Variants in GIT2 observed in about 807,000 individuals in gnomAD.
GIT2 encodes ARF GTPase-activating protein GIT2.
GIT2 carries 32 observed loss-of-function variants against 100.3 expected under a neutral mutation model. The ratio of observed to expected loss-of-function variants is 0.32; its 90% CI spans 0.24 to 0.43. The LOEUF is 0.43. Among genes scored for constraint, GIT2 ranks in the 20% least tolerant of loss-of-function variants. The pLI is 1.00. For missense variants in GIT2, 737 were observed against 975.1 expected, an observed-to-expected ratio of 0.76 and a Z score of 3.25; for synonymous variants, 353 against 364.1, an observed-to-expected ratio of 0.97 and a Z score of 0.35.
In GIT2 at chr12:109,948,646, T is replaced by C; in HGVS notation, c.1393-1142A>G. The C allele has an allele frequency of 7.0e-7, 1 of 1,430,032 alleles. No individual in the cohort carries two copies. Among genetic ancestry groups the C allele is most frequent in the South Asian group, 1.6e-5 (1 of 64,164 alleles). 88.6% of individuals were successfully genotyped at this position (1,430,032 alleles called of 1,614,324 possible). A position where few individuals can be genotyped will look rare whatever the true frequency, so the allele number is the denominator to read the frequency against. ...GCTGTCTACTCTTTGACAGAGATTG[T>C]AAAATCTGACCAAATTCCCCACCAG... is the stretch of plus-strand genomic sequence containing the variant. On this transcript the variant is annotated intron_variant, in intron 14 of 19. Coordinates refer to ENST00000355312, the MANE Select transcript of GIT2 (RefSeq NM_057169.5). This position sits in a 1 kb window ranked among gnomAD's most constrained non-coding sequence, Gnocchi z 4.3.
chr12:109,958,116 T>C (rs2136351623), intron 12 of GIT2, among the ~76,000 whole-genome samples: 1 of 151,202 alleles, frequency 6.6e-6, no homozygotes, highest in African/African-American at 2.4e-5. Flanking sequence ...GGCTAATTTT[T>C]TGTAGTTTTA....
intron 16 of GIT2, 93 bp downstream of exon 16, chr12:109,945,167 G>A (rs1875963992): frequency 7.1e-6 from 5 of 703,962 alleles, no homozygotes; most frequent in Non-Finnish European, 5.3e-6. Flanking sequence ...CGGAAGGGCA[G>A]TTAGCAGGGA....
intron 14 of GIT2, chr12:109,949,023 C>T: frequency 1.7e-6 from 1 of 579,664 alleles, no homozygotes. Flanking sequence ...GCCTCTTCCA[C>T]AAAAAGACCA....
chr12:109,951,078 T>C (rs1429983617), intron 14 of GIT2, 89 bp downstream of exon 14: 3 of 1,145,812 alleles, frequency 2.6e-6, no homozygotes, highest in Non-Finnish European at 3.8e-6. Context: ...ACTGTTTTTC[T>C]TTCCTCGGAC....
intron 16 of GIT2, chr12:109,940,215 G>A (rs1023163113): frequency 6.6e-6 from 1 of 152,174 alleles, no homozygotes; most frequent in African/African-American, 2.4e-5. Context: ...CTAAACACAC[G>A]ATCTTCTAGG....
Position 109,947,145 on chromosome 12 carries a change from CTT to C in GIT2, c.1641+109_1641+110del. On this transcript the variant is annotated intron_variant, in intron 15 of 19. Coordinates refer to ENST00000355312, the MANE Select transcript of GIT2 (RefSeq NM_057169.5). The surrounding 1 kb of genome is among the most constrained non-coding windows in gnomAD (Gnocchi z 4.3). ...ATACAGCAAACACAATGGTAACTCTCTTAGTCCAATTTGGCAAAGCAGAGCTG... is the reference window on the plus strand; with the variant it reads ...ATACAGCAAACACAATGGTAACTCTCAGTCCAATTTGGCAAAGCAGAGCTG... 1.0e-6 allele frequency: 1 copy of C among 978,528 alleles called. No homozygotes were observed. The highest frequency in any genetic ancestry group is 1.6e-6 in the Non-Finnish European group (1 of 642,718). 60.6% of individuals were successfully genotyped at this position (978,528 alleles called of 1,614,324 possible). A position where few individuals can be genotyped will look rare whatever the true frequency, so the allele number is the denominator to read the frequency against.
rs753543175 is a variant in GIT2, at chr12:109,947,462, C to T, written c.1435G>A (p.Ala479Thr). The change falls in exon 15 of 20, where the codon GCC becomes ACC. Residue 479 changes from alanine to threonine, a missense_variant. Coordinates refer to ENST00000355312, the MANE Select transcript of GIT2 (RefSeq NM_057169.5). This position sits in a 1 kb window ranked among gnomAD's most constrained non-coding sequence, Gnocchi z 4.3. ...QSENSNLRKQ[A>T]TTNVYQVQTG... Reference sequence around the variant, plus strand: ...TGCACCTGATATACATTGGTTGTGGCCTGTTTCCTGAGGTTCGAATTTTCA... The same window carrying T: ...TGCACCTGATATACATTGGTTGTGGTCTGTTTCCTGAGGTTCGAATTTTCA... 8.2e-5 allele frequency: 132 copies of T among 1,613,402 alleles called. No homozygotes were observed. The highest frequency in any genetic ancestry group is 1.1e-4 in the Non-Finnish European group (131 of 1,179,496).
In GIT2 at chr12:109,961,334, T is replaced by C; in HGVS notation, c.931A>G (p.Thr311Ala). Residue 311 changes from threonine (T) to alanine (A), a missense_variant, in exon 11 of 20, where the codon ACA becomes GCA. Around this residue, in one of 3 missense-constraint regions of GIT2, gnomAD observed 20 missense variants for 55.2 expected, o/e 0.36. Transcript: ENST00000355312. ...ACCGGAAGAAAGGGGACGACCGTTG[T>C]CTCGGTTACCAGGGCGCTGTGGTTT... ...TQNHSALVTE[T>A]TVVPFLPVNP... The C allele has an allele frequency of 5.0e-6, 8 of 1,613,782 alleles. No individual in the cohort carries two copies. Among genetic ancestry groups the C allele is most frequent in the Non-Finnish European group, 6.8e-6 (8 of 1,179,646 alleles).
Position 109,947,184 on chromosome 12 carries a change from AG to A in GIT2, c.1641+71del. Reference sequence around the variant, plus strand: ...GCAAAGCAGAGCTGTGGGGACCTGTAGGTTCAGAAGAGGGAACAGAGTAGAC... The same window carrying A: ...GCAAAGCAGAGCTGTGGGGACCTGTAGTTCAGAAGAGGGAACAGAGTAGAC... On this transcript the variant is annotated intron_variant, in intron 15 of 19. Transcript: ENST00000355312. The surrounding 1 kb of genome is among the most constrained non-coding windows in gnomAD (Gnocchi z 4.3). The A allele has an allele frequency of 6.9e-7, 1 of 1,450,546 alleles. No individual in the cohort carries two copies. The allele number at this position is 1,450,546 out of a possible 1,614,324, so 89.9% of individuals were successfully genotyped here.
upstream of GIT2, chr12:109,996,489 C>T (rs937025445): frequency 1.6e-5 from 7 of 443,216 alleles, no homozygotes; most frequent in East Asian, 1.1e-4. Context: ...ATCTGTCCTA[C>T]CTTTAAATAT....
rs1019570310 is a variant in GIT2, at chr12:109,934,254, T to C, written c.2004-169A>G. ...AGGGCACATGGTTATAAAGCAGGAC[T>C]CTCATTGCTTCCTAAAAGTTCAATC... On this transcript the variant is annotated intron_variant, in intron 18 of 19. Transcript: ENST00000355312. The surrounding 1 kb of genome is among the most constrained non-coding windows in gnomAD (Gnocchi z 4.5). The C allele has an allele frequency of 1.7e-6, 1 of 595,430 alleles. No individual in the cohort carries two copies. Among genetic ancestry groups the C allele is most frequent in the Non-Finnish European group, 3.0e-6 (1 of 330,238 alleles). 36.9% of individuals were successfully genotyped at this position (595,430 alleles called of 1,614,324 possible). A position where few individuals can be genotyped will look rare whatever the true frequency, so the allele number is the denominator to read the frequency against.
At chr12:109,956,756 C>T (rs189670773) in intron 12 of GIT2, among the ~76,000 whole-genome samples, 1 of 152,244 alleles carries the variant, frequency 6.6e-6, no homozygotes, top group Admixed American at 6.5e-5. Context: ...GTGGCTCATG[C>T]CTGTAATCCC....
rs768536427 is a variant in GIT2 at position 109,965,599 on chromosome 12, A to G, written c.765-22T>C. On this transcript the variant is annotated intron_variant, in intron 8 of 19. Coordinates refer to ENST00000355312, the MANE Select transcript of GIT2 (RefSeq NM_057169.5). ...GCTGCTAAGAAAACATACAAAGCTAATAAGCAAATAAATAAAGCCAGACTT... is the reference window on the plus strand; with the variant it reads ...GCTGCTAAGAAAACATACAAAGCTAGTAAGCAAATAAATAAAGCCAGACTT... 9.3e-6 allele frequency: 14 copies of G among 1,503,302 alleles called. No individual in the cohort carries two copies. In the African/African-American group the frequency reaches 1.9e-4, roughly 21 times the overall value. 93.1% of individuals were successfully genotyped at this position (1,503,302 alleles called of 1,614,324 possible).
chr12:109,955,577 T>C (rs1382998926), intron 12 of GIT2, among the ~76,000 whole-genome samples: 1 of 152,238 alleles, frequency 6.6e-6, no homozygotes, highest in Non-Finnish European at 1.5e-5. Context: ...TTCATTAACA[T>C]TGAACTCATG....
intron 7 of GIT2, among the ~76,000 whole-genome samples, chr12:109,977,153 T>C (rs1206924108): frequency 2.6e-5 from 4 of 152,158 alleles, no homozygotes; most frequent in African/African-American, 4.8e-5. Flanking sequence ...GGATATAGAG[T>C]TCTGGGTTCA....
chr12:109,933,264 T>A lies in GIT2; in HGVS notation c.2068-74A>T. 1.1e-6 allele frequency: 1 copy of A among 895,620 alleles called. No individual in the cohort carries two copies. The highest frequency in any genetic ancestry group is 1.6e-5 in the African/African-American group (1 of 60,800). The allele number at this position is 895,620 out of a possible 1,614,324, so 55.5% of individuals were successfully genotyped here. Reference sequence around the variant, plus strand: ...CAAAAGCAGGGGACAAACATTCTTCTAAAGCAAACCAAGCTGCTCCCCAGA... The same window carrying A: ...CAAAAGCAGGGGACAAACATTCTTCAAAAGCAAACCAAGCTGCTCCCCAGA... On this transcript the variant is annotated intron_variant, in intron 19 of 19. Coordinates refer to ENST00000355312, the MANE Select transcript of GIT2 (RefSeq NM_057169.5). The surrounding 1 kb of genome is among the most constrained non-coding windows in gnomAD (Gnocchi z 4.5).
At chr12:109,970,993 C>G (rs1883729012) in intron 7 of GIT2, among the ~76,000 whole-genome samples, 1 of 152,148 alleles carries the variant, frequency 6.6e-6, no homozygotes, top group Non-Finnish European at 1.5e-5. Flanking sequence ...ACCATGCTGC[C>G]CAGGATAGTC....
rs149158681 is a variant in GIT2 at position 109,947,374 on chromosome 12, C to G, written c.1523G>C (p.Arg508Pro). The change falls in exon 15 of 20, where the codon CGG becomes CCG. Residue 508 changes from arginine (R) to proline (P), a missense_variant. This residue lies in a region of GIT2 where 451 missense variants were observed against 543.7 expected (regional missense o/e 0.83). Transcript: ENST00000355312. This position sits in a 1 kb window ranked among gnomAD's most constrained non-coding sequence, Gnocchi z 4.3. ...HSSLKRRPSARGSRPMSMYET... is the reference protein window; with the variant it reads ...HSSLKRRPSAPGSRPMSMYET... ...GTACATGGACATGGGCCTACTGCCC[C>G]GGGCAGACGGACGTCTCTTTAAGGA... 3 of 1,614,142 alleles carry G rather than the reference C, an allele frequency of 1.9e-6. No homozygotes were observed. Among genetic ancestry groups the G allele is most frequent in the Non-Finnish European group, 1.7e-6 (2 of 1,180,008 alleles).
At position 109,989,709 on chromosome 12, in the gene GIT2, T is replaced by A. The variant is rs745873970; in HGVS notation, c.280A>T (p.Asn94Tyr). 6.5e-7 allele frequency: 1 copy of A among 1,527,074 alleles called. No homozygotes were observed. Among genetic ancestry groups the A allele is most frequent in the South Asian group, 1.1e-5 (1 of 89,306 alleles). 94.6% of individuals were successfully genotyped at this position (1,527,074 alleles called of 1,614,324 possible). A position where few individuals can be genotyped will look rare whatever the true frequency, so the allele number is the denominator to read the frequency against. Residue 94 changes from asparagine (N) to tyrosine (Y), a missense_variant, in exon 3 of 20, where the codon AAT becomes TAT. Asn to Tyr is a moderately radical substitution (Grantham distance 143). Coordinates refer to ENST00000355312, the MANE Select transcript of GIT2 (RefSeq NM_057169.5). ...ACTCACTGTACTTTATCCTGTGGAT[T>A]AGCTTTACGTCTTCCACTCATAATA... is the stretch of plus-strand genomic sequence containing the variant. ...ASIMSGRRKA[N>Y]PQDKVHPNKA...
Sources: allele counts gnomAD v4.1 joint callset (sites outside exome capture counted in the v4.1 genomes callset), GRCh38; gene constraint gnomAD v4.1.1; regional missense constraint gnomAD v4.1.1; non-coding constraint Gnocchi (gnomAD v3.1); transcripts MANE v1.5; gene names NCBI Gene and HGNC (gene_info 2026-07-23, HGNC 2026-07-21).